The following NKAIN2 variants were observed in gnomAD, a reference collection of about 807,000 sequenced individuals.
The protein encoded by NKAIN2 is sodium/potassium-transporting ATPase subunit beta-1-interacting protein 2.
A neutral mutation model predicts 32.6 loss-of-function variants in NKAIN2; 14 were observed. The observed-to-expected ratio is 0.43, with a 90% CI of 0.28 to 0.67. NKAIN2 has a LOEUF of 0.67. Among genes scored for constraint, NKAIN2 ranks in the 30% least tolerant of loss-of-function variants. The pLI is 0.17. For missense variants in NKAIN2, 198 were observed against 258.3 expected (o/e 0.77, Z 1.60); for synonymous variants, 80 against 87.2 (o/e 0.92, Z 0.46).
chr6:124,355,508 T>C (rs975647478), intron 3 of NKAIN2, among the ~76,000 whole-genome samples, 161 bp downstream of exon 3: 2 of 151,172 alleles, frequency 1.3e-5, no homozygotes, highest in Admixed American at 6.7e-5. Flanking sequence ...TCATTAAAAA[T>C]ATGTCTGGTG....
At chr6:124,284,059 T>G (rs1234051976) in intron 2 of NKAIN2, among the ~76,000 whole-genome samples, 1 of 39,336 alleles carries the variant, frequency 2.5e-5, no homozygotes, top group African/African-American at 2.4e-4. Flanking sequence ...ATAAAGCTCA[T>G]TGGTACAGCC....
At chr6:124,434,971 C>A (rs1054979173) in intron 3 of NKAIN2, among the ~76,000 whole-genome samples, 4 of 152,140 alleles carry the variant, frequency 2.6e-5, no homozygotes, top group Admixed American at 6.5e-5. Context: ...ATATTATATG[C>A]AGCCATCATT....
chr6:124,248,405 TC>T (rs1008720469), intron 1 of NKAIN2, among the ~76,000 whole-genome samples: 4 of 151,832 alleles, frequency 2.6e-5, no homozygotes, highest in Non-Finnish European at 5.9e-5. Context: ...ATGTCTTCCT[TC>T]CCCCCCACCG....
chr6:124,163,634 G>T (rs964965148), intron 1 of NKAIN2, among the ~76,000 whole-genome samples: 6 of 151,992 alleles, frequency 3.9e-5, no homozygotes, highest in African/African-American at 1.4e-4. Context: ...ATCGCATAGA[G>T]CTGTGTTCTA....
intron 3 of NKAIN2, among the ~76,000 whole-genome samples, chr6:124,378,082 G>T (rs1800067981): frequency 6.6e-6 from 1 of 152,118 alleles, no homozygotes; most frequent in Admixed American, 6.5e-5. Flanking sequence ...ATTGGTGTCA[G>T]TGTGACTTCT....
chr6:124,646,319 A>G (rs1049488585), intron 3 of NKAIN2, among the ~76,000 whole-genome samples: 1 of 152,172 alleles, frequency 6.6e-6, no homozygotes, highest in Admixed American at 6.6e-5. Context: ...ATAGTTCACT[A>G]TTAGACTCGC....
At chr6:124,406,736 A>G (rs1773875616) in intron 3 of NKAIN2, among the ~76,000 whole-genome samples, 1 of 152,084 alleles carries the variant, frequency 6.6e-6, no homozygotes, top group Non-Finnish European at 1.5e-5. Context: ...TGCATCATTG[A>G]CAAAATTTGT....
At chr6:124,455,331 CAA>C (rs1776278746) in intron 3 of NKAIN2, among the ~76,000 whole-genome samples, 1 of 152,018 alleles carries the variant, frequency 6.6e-6, no homozygotes, top group Admixed American at 6.6e-5. Flanking sequence ...TGTCAGTTAA[CAA>C]AGAGGATCTG....
At chr6:123,992,554 C>T (rs1206508379) in intron 1 of NKAIN2, among the ~76,000 whole-genome samples, 3 of 152,056 alleles carry the variant, frequency 2.0e-5, no homozygotes, top group African/African-American at 7.2e-5. Flanking sequence ...TACTAACATC[C>T]AATCAAATTA....
chr6:124,550,415 A>G (rs924968218), intron 3 of NKAIN2, among the ~76,000 whole-genome samples: 5 of 151,302 alleles, frequency 3.3e-5, no homozygotes, highest in Non-Finnish European at 7.4e-5. Flanking sequence ...ATGTGTATAC[A>G]TTTCCTTACT....
intron 3 of NKAIN2, among the ~76,000 whole-genome samples, chr6:124,425,677 CCAATG>C: frequency 6.6e-6 from 1 of 152,140 alleles, no homozygotes; most frequent in South Asian, 2.1e-4. Context: ...GACGTACCTA[CCAATG>C]GTCAATAGGT....
intron 5 of NKAIN2, among the ~76,000 whole-genome samples, chr6:124,792,860 G>A (rs1779807146): frequency 1.3e-5 from 2 of 152,104 alleles, no homozygotes; most frequent in Admixed American, 1.3e-4. Flanking sequence ...GTAGAAAAAT[G>A]GGTATGAAGA....
chr6:124,647,518 A>G (rs1032669237), intron 3 of NKAIN2, among the ~76,000 whole-genome samples: 2 of 150,962 alleles, frequency 1.3e-5, no homozygotes, highest in Admixed American at 6.6e-5. Context: ...AAAAAAAAAA[A>G]AAGACTTCAA....
intron 3 of NKAIN2, among the ~76,000 whole-genome samples, chr6:124,488,289 T>C (rs994764957): frequency 1.3e-5 from 2 of 152,074 alleles, no homozygotes; most frequent in Non-Finnish European, 2.9e-5. Flanking sequence ...CACATTTTTT[T>C]AACAACCTTG....
At chr6:123,941,421 C>T (rs1042280603) in intron 1 of NKAIN2, among the ~76,000 whole-genome samples, 2 of 151,164 alleles carry the variant, frequency 1.3e-5, no homozygotes, top group Non-Finnish European at 3.0e-5. Context: ...TATTTTTGTC[C>T]CATGGCAGCA....
At chr6:124,415,862 T>G (rs924285726) in intron 3 of NKAIN2, among the ~76,000 whole-genome samples, 4 of 147,706 alleles carry the variant, frequency 2.7e-5, no homozygotes, top group African/African-American at 9.9e-5. Flanking sequence ...TTTTTTTAAT[T>G]TGCTTTTTTT....
intron 1 of NKAIN2, among the ~76,000 whole-genome samples, chr6:123,917,555 G>A (rs1342507135): frequency 2.0e-5 from 3 of 152,046 alleles, no homozygotes; most frequent in Non-Finnish European, 4.4e-5. Flanking sequence ...CACATATGAA[G>A]GGCCAGGTGT....
At chr6:124,302,003 G>A (rs6942322) in intron 2 of NKAIN2, among the ~76,000 whole-genome samples, 20,693 of 152,052 alleles carry the variant, frequency 0.14, 1,602 homozygotes, top group East Asian at 0.25. Context: ...GCTGTGTCCC[G>A]ACCCAAATCT....
chr6:124,456,892 AGTTT>A (rs1411880122), intron 3 of NKAIN2, among the ~76,000 whole-genome samples: 1 of 151,806 alleles, frequency 6.6e-6, no homozygotes, highest in Non-Finnish European at 1.5e-5. Flanking sequence ...ATTCTTTCAT[AGTTT>A]GTTTGCTGAT....
Sources: allele counts gnomAD v4.1 joint callset (sites outside exome capture counted in the v4.1 genomes callset), GRCh38; gene constraint gnomAD v4.1.1; transcripts MANE v1.5; gene names NCBI Gene and HGNC (gene_info 2026-07-23, HGNC 2026-07-21).